Variants in MYO10 observed in about 807,000 individuals in gnomAD.
MYO10 encodes unconventional myosin-X.
A neutral mutation model predicts 257.3 loss-of-function variants in MYO10; 133 were observed. The observed-to-expected ratio is 0.52, with a 90% CI of 0.45 to 0.60. The LOEUF (loss-of-function observed/expected upper bound fraction) is 0.60. Ranked by LOEUF, MYO10 falls within the 20% of genes least tolerant of loss-of-function variation. MYO10 has a pLI of 0.00. For missense variants in MYO10, 2,399 were observed against 2,635.7 expected (o/e 0.91, Z 1.97); for synonymous variants, 1,104 against 1,028.6 (o/e 1.07, Z -1.40).
In MYO10 at chr5:16,691,265, G is replaced by A. The variant is rs549274951; in HGVS notation, c.3801-1346C>T. On this transcript the variant is annotated intron_variant, in intron 27 of 40. Coordinates refer to ENST00000513610, the MANE Select transcript of MYO10 (RefSeq NM_012334.3). The stretch of plus-strand genomic sequence containing the variant: ...AACCTGGGCGAAAGAGTGAGACTCC[G>A]TCTCAAAAAAAAAAAAAAAAGTACA... 3.9e-3 allele frequency among the ~76,000 whole-genome samples: 481 copies of A among 123,012 alleles called. 6 individuals carry two copies. Among genetic ancestry groups the A allele is most frequent in the African/African-American group, 0.015 (462 of 30,118 alleles). 80.7% of individuals were successfully genotyped at this position (123,012 alleles called of 152,430 possible).
intron 2 of MYO10, among the ~76,000 whole-genome samples, chr5:16,830,710 G>A (rs1032110090): frequency 4.5e-5 from 3 of 66,088 alleles, no homozygotes; most frequent in Non-Finnish European, 1.0e-4. Context: ...CAGGGCGACT[G>A]TACTCTTGGG....
At chr5:16,677,310 T>G (rs1333469918) in intron 33 of MYO10, among the ~76,000 whole-genome samples, 3 of 152,144 alleles carry the variant, frequency 2.0e-5, no homozygotes, top group Non-Finnish European at 4.4e-5. Flanking sequence ...GTTGACTCAT[T>G]TCTTAAGAAG....
intron 2 of MYO10, among the ~76,000 whole-genome samples, chr5:16,855,030 C>T (rs1743920643): frequency 2.0e-5 from 3 of 150,908 alleles, no homozygotes; most frequent in Non-Finnish European, 2.9e-5. Context: ...GAGACTCCAT[C>T]TCAAAAAAAA....
chr5:16,727,875 C>CAAA (rs527975903), intron 19 of MYO10, among the ~76,000 whole-genome samples: 6 of 93,984 alleles, frequency 6.4e-5, no homozygotes, highest in African/African-American at 1.4e-4. Context: ...CCCCCCAGCC[C>CAAA]AAAAAAAAAA....
intron 2 of MYO10, among the ~76,000 whole-genome samples, chr5:16,826,437 T>C (rs1316995182): frequency 6.6e-6 from 1 of 152,026 alleles, no homozygotes; most frequent in African/African-American, 2.4e-5. Flanking sequence ...CAATAAAAGG[T>C]AGCAATTCCT....
At position 16,912,802 on chromosome 5, in the gene MYO10, G is replaced by GCACGCA. The variant is rs1554008422; in HGVS notation, c.21+22985_21+22986insTGCGTG. Among the ~76,000 whole-genome samples, 134 of 111,646 alleles carry GCACGCA rather than the reference G, an allele frequency of 1.2e-3. 2 individuals are homozygous for GCACGCA. Among genetic ancestry groups the GCACGCA allele is most frequent in the African/African-American group, 4.5e-3 (127 of 28,192 alleles). The allele number at this position is 111,646 out of a possible 152,430, so 73.2% of individuals were successfully genotyped here. A position where few individuals can be genotyped will look rare whatever the true frequency, so the allele number is the denominator to read the frequency against. On this transcript the variant is annotated intron_variant, in intron 1 of 40. Transcript: ENST00000513610. The stretch of plus-strand genomic sequence containing the variant: ...CCAGACTTCCTTCACCTACCACCCT[G>GCACGCA]CACACACACACACACACACACACAC...
intron 2 of MYO10, among the ~76,000 whole-genome samples, chr5:16,841,759 C>A (rs2126727511): frequency 6.6e-6 from 1 of 152,238 alleles, no homozygotes; most frequent in Middle Eastern, 3.4e-3. Flanking sequence ...CAACTCTTCT[C>A]GCAAACTGTT....
intron 27 of MYO10, among the ~76,000 whole-genome samples, chr5:16,690,749 CA>C (rs1204562520): frequency 6.6e-6 from 1 of 151,982 alleles, no homozygotes; most frequent in Non-Finnish European, 1.5e-5. Flanking sequence ...TTATTTCCAT[CA>C]GGGGTGCTGG....
chr5:16,676,219 AAG>A, intron 33 of MYO10, 65 bp from the exon 34 acceptor site: 2 of 1,576,454 alleles, frequency 1.3e-6, no homozygotes, highest in South Asian at 2.3e-5. Context: ...AATATTTTTC[AAG>A]ACTCTCAAAT....
intron 15 of MYO10, 30 bp from the exon 16 acceptor site, chr5:16,762,143 A>AAAAAAATAT: frequency 1.8e-6 from 2 of 1,091,650 alleles, no homozygotes; most frequent in Non-Finnish European, 2.5e-6. Flanking sequence ...AAAAAAAAAA[A>AAAAAAATAT]ATACAATGCC....
At chr5:16,744,240 G>C (rs922801694) in intron 19 of MYO10, among the ~76,000 whole-genome samples, 1 of 152,172 alleles carries the variant, frequency 6.6e-6, no homozygotes, top group Non-Finnish European at 1.5e-5. Context: ...TATAATGTAA[G>C]TATGTGTTAT....
At chr5:16,844,624 G>A (rs1580066057) in intron 2 of MYO10, among the ~76,000 whole-genome samples, 1 of 152,110 alleles carries the variant, frequency 6.6e-6, no homozygotes, top group Non-Finnish European at 1.5e-5. Context: ...CAGGATTCTA[G>A]TGCCTAATCT....
intron 1 of MYO10, among the ~76,000 whole-genome samples, chr5:16,923,705 TCC>T (rs1298861359): frequency 4.8e-5 from 7 of 144,950 alleles, no homozygotes; most frequent in African/African-American, 1.9e-4. Context: ...CTCCCTAACA[TCC>T]TGGCCACCTA....
intron 1 of MYO10, among the ~76,000 whole-genome samples, chr5:16,915,168 C>T (rs1184928366): frequency 1.3e-5 from 2 of 152,102 alleles, no homozygotes; most frequent in Admixed American, 6.6e-5. Context: ...AACAACCAGG[C>T]CCTTTACACT....
intron 23 of MYO10, 126 bp from the exon 24 acceptor site, chr5:16,702,714 T>C (rs1233614086): frequency 2.0e-6 from 2 of 992,812 alleles, no homozygotes; most frequent in Non-Finnish European, 3.0e-6. Flanking sequence ...CCCCTTCCTC[T>C]GGCCATGGAT....
chr5:16,874,317 G>C (rs533154408), intron 2 of MYO10, among the ~76,000 whole-genome samples: 96 of 110,540 alleles, frequency 8.7e-4, no homozygotes, highest in Middle Eastern at 0.019. Flanking sequence ...CTGGGCGACA[G>C]AGCAAGACTC....
intron 1 of MYO10, chr5:16,902,472 CT>C: frequency 2.0e-6 from 3 of 1,489,970 alleles, no homozygotes. Context: ...ATCGAAGACG[CT>C]CGCTTCAGAC....
rs58577651 is a variant in MYO10, at chr5:16,794,383, TAAAA to T, written c.467+259_467+262del. On this transcript the variant is annotated intron_variant, in intron 4 of 40. Transcript: ENST00000513610. ...TAATTAAGGCAAATAAATGTTGCTT[TAAAA>T]AAAAAAAAAAAAAAAAGGAACAGAA... is the stretch of plus-strand genomic sequence containing the variant. Among the ~76,000 whole-genome samples, 1,453 of 140,554 alleles carry T rather than the reference TAAAA, an allele frequency of 0.01. 31 individuals are homozygous for T. In the East Asian group the frequency reaches 0.11, roughly 11 times the overall value. The allele number at this position is 140,554 out of a possible 152,430, so 92.2% of individuals were successfully genotyped here. A position where few individuals can be genotyped will look rare whatever the true frequency, so the allele number is the denominator to read the frequency against.
At chr5:16,813,839 T>G (rs898853557) in intron 3 of MYO10, among the ~76,000 whole-genome samples, 1 of 152,096 alleles carries the variant, frequency 6.6e-6, no homozygotes, top group Non-Finnish European at 1.5e-5. Flanking sequence ...GAGGAAAGAT[T>G]TGAAGCCATG....
Sources: gnomAD v4.1 joint callset for allele counts (sites outside exome capture counted in the v4.1 genomes callset) on GRCh38, gnomAD v4.1.1 for gene constraint, MANE v1.5 for transcripts, NCBI Gene and HGNC (gene_info 2026-07-23, HGNC 2026-07-21) for gene names.